EMC8: variants seen among roughly 807,000 people sequenced by gnomAD.
The protein encoded by EMC8 is ER membrane protein complex subunit 8, also known as COX4 neighbor.
A neutral mutation model predicts 24.3 loss-of-function variants in EMC8; 11 were observed. That is an observed-to-expected ratio of 0.45 (90% CI 0.28 to 0.75). The LOEUF (loss-of-function observed/expected upper bound fraction) is 0.75, where lower values mean the gene tolerates loss of function less well. EMC8 is among the 30% of genes least tolerant of loss of function. EMC8 has a pLI of 0.12. For synonymous variants in EMC8, 145 were observed against 117.7 expected (o/e 1.23, Z -1.50); for missense variants, 277 against 282.7 (o/e 0.98, Z 0.14).
chr16:85,798,576 A>G (rs1905388622), intron 1 of EMC8: 1 of 157,074 alleles, frequency 6.4e-6, no homozygotes, highest in South Asian at 1.9e-4. Context: ...CCATGCAACT[A>G]CCTTTCTACA....
intron 1 of EMC8, among the ~76,000 whole-genome samples, chr16:85,797,446 A>AAC (rs144878838): frequency 1.6e-4 from 24 of 152,192 alleles, no homozygotes; most frequent in Admixed American, 8.5e-4. Flanking sequence ...CCTGGATTAA[A>AAC]ACACACACAC....
chr16:85,780,556 C>A (rs1231618137), intron 3 of EMC8, 83 bp from the exon 4 acceptor site: 4 of 930,458 alleles, frequency 4.3e-6, no homozygotes, highest in Non-Finnish European at 6.8e-6. Flanking sequence ...GCTCTCCCTG[C>A]AGCCGTGCCC....
Position 85,780,423 on chromosome 16 carries a change from C to A in EMC8, c.429G>T (p.Val143=). 1 of 1,614,220 alleles carries A rather than the reference C, an allele frequency of 6.2e-7. No homozygotes were observed. The highest frequency in any genetic ancestry group is 8.5e-7 in the Non-Finnish European group (1 of 1,180,022). The change falls in exon 4 of 5, where the codon GTG becomes GTT. Residue 143 remains valine, a synonymous_variant. Coordinates refer to ENST00000253457, the MANE Select transcript of EMC8 (RefSeq NM_006067.5). ...TMDCVAPTIH[V]YEHHENRWRC... is the part of the protein sequence containing the mutation. ...GCCATCTGTTCTCATGGTGCTCGTA[C>A]ACGTGGATCGTAGGCGCTACGCAGT...
intron 1 of EMC8, among the ~76,000 whole-genome samples, chr16:85,790,951 TGAGTA>T (rs765428459): frequency 7.9e-5 from 12 of 152,254 alleles, no homozygotes; most frequent in Non-Finnish European, 1.5e-4. Flanking sequence ...CTCAGCCTCC[TGAGTA>T]GCTGGGACTA....
intron 1 of EMC8, among the ~76,000 whole-genome samples, chr16:85,790,673 TG>T (rs1941097589): frequency 6.6e-6 from 1 of 152,194 alleles, no homozygotes. Flanking sequence ...GCCGGCCTCC[TG>T]AGTGTGTCCT....
rs1473952235 is a variant in EMC8 at position 85,799,484 on chromosome 16, C to A, written c.-189G>T. 1 of 400,904 alleles carries A rather than the reference C, an allele frequency of 2.5e-6. No homozygotes were observed. Among genetic ancestry groups the A allele is most frequent in the East Asian group, 3.8e-5 (1 of 26,066 alleles). 24.8% of individuals were successfully genotyped at this position (400,904 alleles called of 1,614,324 possible). A position where few individuals can be genotyped will look rare whatever the true frequency, so the allele number is the denominator to read the frequency against. ...TCGGCTCCTGGAAAAGCGACTCGCG[C>A]CTCTGGGAAGCCGCAGCCCCAGACT... On this transcript the variant is annotated 5_prime_UTR_variant, in exon 1 of 5. Transcript: ENST00000253457. This position sits in a 1 kb window ranked among gnomAD's most constrained non-coding sequence, Gnocchi z 4.2.
chr16:85,788,911 G>C (rs1235375211), intron 2 of EMC8, 63 bp downstream of exon 2: 2 of 1,185,686 alleles, frequency 1.7e-6, no homozygotes, highest in South Asian at 1.2e-5. Flanking sequence ...AAGCACACGA[G>C]AGACGGGGTC....
In EMC8 at chr16:85,781,143, C is replaced by G. The variant is rs1347506311; in HGVS notation, c.378+68G>C. 7.8e-6 allele frequency: 9 copies of G among 1,151,732 alleles called. No homozygotes were observed. In the South Asian group the frequency reaches 1.1e-4, roughly 14 times the overall value. 71.3% of individuals were successfully genotyped at this position (1,151,732 alleles called of 1,614,324 possible). A position where few individuals can be genotyped will look rare whatever the true frequency, so the allele number is the denominator to read the frequency against. On this transcript the variant is annotated intron_variant, in intron 3 of 4. Transcript: ENST00000253457. ...GGGGTTAGCGGAAAGGAAACCGCCG[C>G]AGAGCAAGCTCCAGGTTGGTGAGAG...
At chr16:85,786,274 G>A (rs188412849) in intron 2 of EMC8, among the ~76,000 whole-genome samples, 1 of 152,350 alleles carries the variant, frequency 6.6e-6, no homozygotes, top group African/African-American at 2.4e-5. Context: ...GCAAGACACT[G>A]TGAATGAGGC....
At chr16:85,782,515 A>T (rs1904555459) in intron 2 of EMC8, among the ~76,000 whole-genome samples, 2 of 152,126 alleles carry the variant, frequency 1.3e-5, no homozygotes, top group Non-Finnish European at 1.5e-5. Flanking sequence ...TTCTGCCTTC[A>T]AATCTGTGTA....
chr16:85,793,732 A>T (rs1176114230), intron 1 of EMC8, among the ~76,000 whole-genome samples: 1 of 152,174 alleles, frequency 6.6e-6, no homozygotes, highest in African/African-American at 2.4e-5. Context: ...AATGTAACAG[A>T]AAGCTACTCC....
chr16:85,798,920 T>G (rs1465345538), intron 1 of EMC8, 145 bp downstream of exon 1: 2 of 595,654 alleles, frequency 3.4e-6, no homozygotes, highest in Non-Finnish European at 5.9e-6. Context: ...AGCGCCATCG[T>G]GGATCACCCC....
At chr16:85,797,619 C>T (rs547835785) in intron 1 of EMC8, among the ~76,000 whole-genome samples, 2 of 152,190 alleles carry the variant, frequency 1.3e-5, no homozygotes, top group Admixed American at 6.5e-5. Flanking sequence ...AGGAACCTTA[C>T]GCCAGGACTC....
chr16:85,790,787 T>G (rs1399938668), intron 1 of EMC8, among the ~76,000 whole-genome samples: 1 of 152,158 alleles, frequency 6.6e-6, no homozygotes, highest in Non-Finnish European at 1.5e-5. Context: ...TGTCTTAGTT[T>G]CCTATTGCCC....
At chr16:85,796,670 C>G (rs917481691) in intron 1 of EMC8, among the ~76,000 whole-genome samples, 9 of 152,206 alleles carry the variant, frequency 5.9e-5, no homozygotes, top group Admixed American at 5.9e-4. Flanking sequence ...CTCCCCCACT[C>G]GCTCTCCTCT....
At position 85,780,474 on chromosome 16, in the gene EMC8, C is replaced by T; in HGVS notation, c.379-1G>A. 6.2e-7 allele frequency: 1 copy of T among 1,612,170 alleles called. No homozygotes were observed. Among genetic ancestry groups the T allele is most frequent in the Non-Finnish European group, 8.5e-7 (1 of 1,178,376 alleles). On this transcript the variant is annotated splice_acceptor_variant, in intron 3 of 4. Transcript: ENST00000253457. LOFTEE classifies it high-confidence loss of function. ...CCATCGTAAACTTGGTGTTGTCTAC[C>T]TGAGCACAAGGCAAAGGACACGAGA...
At chr16:85,783,427 G>A (rs544953805) in intron 2 of EMC8, among the ~76,000 whole-genome samples, 3 of 152,198 alleles carry the variant, frequency 2.0e-5, no homozygotes, top group African/African-American at 7.2e-5. Context: ...ACAAGCAGCT[G>A]GGACCACAGG....
chr16:85,787,409 G>C (rs1299831217), intron 2 of EMC8, among the ~76,000 whole-genome samples: 2 of 152,234 alleles, frequency 1.3e-5, no homozygotes, highest in African/African-American at 4.8e-5. Flanking sequence ...ACCACAGCCT[G>C]TGTTTGCACT....
In EMC8 at chr16:85,799,330, C is replaced by A. The variant is rs201630555; in HGVS notation, c.-35G>T. 1 of 1,474,176 alleles carries A rather than the reference C, an allele frequency of 6.8e-7. No homozygotes were observed. The highest frequency in any genetic ancestry group is 9.2e-7 in the Non-Finnish European group (1 of 1,085,110). The allele number at this position is 1,474,176 out of a possible 1,614,324, so 91.3% of individuals were successfully genotyped here. ...GGAGGGCCCCGGAGGCCCCTGGGCG[C>A]GCGGCTGAGGCCTGGACCCGCTGCC... On this transcript the variant is annotated 5_prime_UTR_variant, in exon 1 of 5. Coordinates refer to ENST00000253457, the MANE Select transcript of EMC8 (RefSeq NM_006067.5). This position sits in a 1 kb window ranked among gnomAD's most constrained non-coding sequence, Gnocchi z 4.2.
Sources: gnomAD v4.1 joint callset for allele counts (sites outside exome capture counted in the v4.1 genomes callset) on GRCh38, gnomAD v4.1.1 for gene constraint, Gnocchi (gnomAD v3.1) non-coding constraint, MANE v1.5 for transcripts, NCBI Gene and HGNC (gene_info 2026-07-23, HGNC 2026-07-21) for gene names.